The following MARCHF1 variants were observed in gnomAD, a reference collection of about 807,000 sequenced individuals.
The protein encoded by MARCHF1 is E3 ubiquitin-protein ligase MARCHF1.
A neutral mutation model predicts 54.2 loss-of-function variants in MARCHF1; 40 were observed. That is an observed-to-expected ratio of 0.74 (90% CI 0.57 to 0.96). The LOEUF (loss-of-function observed/expected upper bound fraction) is 0.96. Ranked by LOEUF, MARCHF1 falls within the 40% of genes least tolerant of loss-of-function variation. MARCHF1 has a pLI of 0.00. For missense variants in MARCHF1, 586 were observed against 656.5 expected, an observed-to-expected ratio of 0.89 and a Z score of 1.17; for synonymous variants, 236 against 236.3, an observed-to-expected ratio of 1.00 and a Z score of 0.01.
At chr4:163,933,186 C>A (rs1257195953) in intron 3 of MARCHF1, 1 of 746,582 alleles carries the variant, frequency 1.3e-6, no homozygotes, top group Non-Finnish European at 2.3e-6. Flanking sequence ...TTCTTAGAGA[C>A]AACCTAACAC....
chr4:164,042,346 T>C (rs768454300), intron 2 of MARCHF1, among the ~76,000 whole-genome samples: 1 of 152,014 alleles, frequency 6.6e-6, no homozygotes, highest in Non-Finnish European at 1.5e-5. Context: ...ACAGGAAGCA[T>C]AATTAGGAGG....
At chr4:163,809,627 G>T (rs755462984) in intron 4 of MARCHF1, among the ~76,000 whole-genome samples, 1 of 152,008 alleles carries the variant, frequency 6.6e-6, no homozygotes, top group Non-Finnish European at 1.5e-5. Flanking sequence ...ATCTGCTGAG[G>T]ATATTATTGT....
In MARCHF1 at chr4:164,323,597, C is replaced by CAAAAAAAAAAA. The variant is rs70952622; in HGVS notation, c.-323+60262_-323+60272dup. ...CACTGATTAAGGAGAGGATGAGTAG[C>CAAAAAAAAAAA]AAAAAAAAAAAAAAAAAAAAAAAAA... is the stretch of plus-strand genomic sequence containing the variant. On this transcript the variant is annotated intron_variant, in intron 1 of 9. Coordinates refer to ENST00000514618, the MANE Select transcript of MARCHF1 (RefSeq NM_001394959.1). 6.8e-4 allele frequency among the ~76,000 whole-genome samples: 21 copies of CAAAAAAAAAAA among 30,946 alleles called. 4 individuals are homozygous for CAAAAAAAAAAA. Among genetic ancestry groups the CAAAAAAAAAAA allele is most frequent in the African/African-American group, 2.8e-3 (18 of 6,458 alleles). 20.3% of individuals were successfully genotyped at this position (30,946 alleles called of 152,430 possible).
At chr4:163,745,552 C>T (rs1746334725) in intron 4 of MARCHF1, among the ~76,000 whole-genome samples, 1 of 152,210 alleles carries the variant, frequency 6.6e-6, no homozygotes, top group Non-Finnish European at 1.5e-5. Context: ...GGTAAGTATA[C>T]TGAGTCCTGA....
At chr4:164,000,870 G>A (rs766284970) in intron 2 of MARCHF1, among the ~76,000 whole-genome samples, 3 of 151,536 alleles carry the variant, frequency 2.0e-5, no homozygotes, top group East Asian at 1.9e-4. Context: ...AATGATTACT[G>A]TTGTTTCTAA....
intron 3 of MARCHF1, among the ~76,000 whole-genome samples, chr4:163,970,101 A>G (rs1002493570): frequency 1.3e-5 from 2 of 152,238 alleles, no homozygotes; most frequent in Admixed American, 1.3e-4. Context: ...ACAGTGACTT[A>G]GACTACTCTC....
intron 1 of MARCHF1, among the ~76,000 whole-genome samples, chr4:164,244,870 A>C (rs930779653): frequency 7.3e-5 from 11 of 151,724 alleles, no homozygotes; most frequent in Non-Finnish European, 1.3e-4. Flanking sequence ...GAAATGGATA[A>C]ATTCCTTGAC....
At chr4:164,271,789 T>C (rs906266720) in intron 1 of MARCHF1, among the ~76,000 whole-genome samples, 6 of 152,134 alleles carry the variant, frequency 3.9e-5, no homozygotes, top group African/African-American at 1.4e-4. Context: ...AAAACAAACA[T>C]TAAGGAAGAA....
At chr4:164,331,917 C>T (rs1046376975) in intron 1 of MARCHF1, among the ~76,000 whole-genome samples, 11 of 152,108 alleles carry the variant, frequency 7.2e-5, no homozygotes, top group Admixed American at 2.0e-4. Context: ...TTAATAACTA[C>T]ATGTATAGTC....
chr4:164,018,084 G>C (rs984980742), intron 2 of MARCHF1, among the ~76,000 whole-genome samples: 2 of 151,798 alleles, frequency 1.3e-5, no homozygotes, highest in Non-Finnish European at 2.9e-5. Flanking sequence ...AAATGATCTG[G>C]TAATATCCGT....
intron 4 of MARCHF1, among the ~76,000 whole-genome samples, chr4:163,791,199 A>G (rs918706833): frequency 1.3e-5 from 2 of 152,108 alleles, no homozygotes; most frequent in African/African-American, 4.8e-5. Context: ...AAAGTGTACC[A>G]CACCTGATTT....
At chr4:164,131,661 G>C (rs12506255) in intron 1 of MARCHF1, among the ~76,000 whole-genome samples, 78,408 of 151,774 alleles carry the variant, frequency 0.52, 20,795 homozygotes, top group South Asian at 0.6. Flanking sequence ...AAGGAGAAGA[G>C]CAAATCTTTG....
intron 3 of MARCHF1, among the ~76,000 whole-genome samples, chr4:163,968,498 C>A (rs531726369): frequency 1.3e-5 from 2 of 152,148 alleles, no homozygotes; most frequent in Non-Finnish European, 2.9e-5. Flanking sequence ...ACTTATTTTG[C>A]ACATCTTACT....
At chr4:163,922,687 A>G (rs1751457544) in intron 3 of MARCHF1, among the ~76,000 whole-genome samples, 3 of 152,192 alleles carry the variant, frequency 2.0e-5, no homozygotes, top group Admixed American at 6.6e-5. Context: ...TCATAGCTAC[A>G]TTAGATATTT....
chr4:164,127,343 C>CT (rs1292043770), intron 1 of MARCHF1, among the ~76,000 whole-genome samples: 1 of 152,044 alleles, frequency 6.6e-6, no homozygotes, highest in Non-Finnish European at 1.5e-5. Context: ...AAGAGAAGAA[C>CT]TTAGAATTTT....
chr4:164,370,648 C>A (rs1041439717), intron 1 of MARCHF1, among the ~76,000 whole-genome samples: 4 of 152,220 alleles, frequency 2.6e-5, no homozygotes, highest in Non-Finnish European at 2.9e-5. Flanking sequence ...GTGGCTCATG[C>A]CTGTAATCCC....
chr4:164,107,055 T>A (rs1740116082), intron 2 of MARCHF1, among the ~76,000 whole-genome samples: 1 of 152,184 alleles, frequency 6.6e-6, no homozygotes, highest in Non-Finnish European at 1.5e-5. Flanking sequence ...GAGAAAAATA[T>A]TTCTCTTGAT....
chr4:163,529,561 G>C (rs1414484313), intron 9 of MARCHF1, among the ~76,000 whole-genome samples: 1 of 151,994 alleles, frequency 6.6e-6, no homozygotes, highest in African/African-American at 2.4e-5. Flanking sequence ...GAGTAAGAGG[G>C]AGGGGAAGGA....
intron 1 of MARCHF1, among the ~76,000 whole-genome samples, chr4:164,241,479 C>G (rs1190066534): frequency 6.6e-6 from 1 of 152,096 alleles, no homozygotes; most frequent in Non-Finnish European, 1.5e-5. Context: ...GTTTGCCTTC[C>G]CTTCCCAGTA....
Sources: allele counts gnomAD v4.1 joint callset (sites outside exome capture counted in the v4.1 genomes callset), GRCh38; gene constraint gnomAD v4.1.1; transcripts MANE v1.5; gene names NCBI Gene and HGNC (gene_info 2026-07-23, HGNC 2026-07-21).